The following PON3 variants were observed in gnomAD, a reference collection of about 807,000 sequenced individuals.
PON3 encodes the protein serum paraoxonase/lactonase 3.
A neutral mutation model predicts 36.3 loss-of-function variants in PON3; 37 were observed. That is an observed-to-expected ratio of 1.02 (90% CI 0.78 to 1.34). The LOEUF (loss-of-function observed/expected upper bound fraction) is 1.34. Ranked by LOEUF, PON3 falls within the 40% of genes most tolerant of loss-of-function variation. The pLI, the probability that PON3 is intolerant of heterozygous loss-of-function variation, is 0.00. For synonymous variants in PON3, 155 were observed against 154.8 expected (o/e 1.00, Z -0.01); for missense variants, 415 against 426.5 (o/e 0.97, Z 0.24).
At chr7:95,379,933 C>A (rs1174452864) in intron 3 of PON3, among the ~76,000 whole-genome samples, 1 of 152,186 alleles carries the variant, frequency 6.6e-6, no homozygotes, top group Non-Finnish European at 1.5e-5. Flanking sequence ...CCCTGAGTAG[C>A]CTAACTGGGA....
At position 95,360,144 on chromosome 7, in the gene PON3, G is replaced by A. The variant is rs370243888; in HGVS notation, c.907-13C>T. The stretch of plus-strand genomic sequence containing the variant: ...GGATGCGAAGTACCTGTCGAGAAAA[G>A]ATCGTTTATTAGTATATTATGTGAG... On this transcript the variant is annotated splice_polypyrimidine_tract_variant and intron_variant, in intron 8 of 8. Transcript: ENST00000265627. 4.3e-6 allele frequency: 7 copies of A among 1,609,728 alleles called. No individual in the cohort carries two copies. The African/African-American group carries it at 9.4e-5, about 22-fold the overall frequency.
chr7:95,391,559 G>A (rs1809319704), intron 2 of PON3, among the ~76,000 whole-genome samples: 1 of 152,060 alleles, frequency 6.6e-6, no homozygotes, highest in African/African-American at 2.4e-5. Context: ...AAAAATGCTG[G>A]AGAAGGAAAA....
At chr7:95,379,078 C>A (rs202157191) in intron 3 of PON3, among the ~76,000 whole-genome samples, 83 of 146,172 alleles carry the variant, frequency 5.7e-4, no homozygotes, top group South Asian at 1.1e-3. Context: ...AAATAAAAAG[C>A]AAAAAAAAAA....
rs1453628014 is a variant in PON3, at chr7:95,362,363, T to G, written c.905A>C (p.Glu302Ala). Residue 302 changes from glutamate to alanine, a missense_variant and splice_region_variant, in exon 8 of 9, where the codon GAA (glutamate) becomes GCA (alanine). Glu to Ala is a moderately radical substitution (Grantham distance 107, BLOSUM62 -1). Coordinates refer to ENST00000265627, the MANE Select transcript of PON3 (RefSeq NM_000940.3). ...NYNPEDPPGSEVLRIQNVLSE... is the reference protein window; with the variant it reads ...NYNPEDPPGSAVLRIQNVLSE... ...GCTCAGAGAGGTATAGGAACTTACT[T>G]CTGATCCTGGAGGGTCCTCAGGGTT... 1 of 1,613,686 alleles carries G rather than the reference T, an allele frequency of 6.2e-7. No homozygotes were observed. The highest frequency in any genetic ancestry group is 1.1e-5 in the South Asian group (1 of 91,074).
intron 3 of PON3, among the ~76,000 whole-genome samples, chr7:95,382,662 G>C (rs926944568): frequency 6.6e-6 from 1 of 152,116 alleles, no homozygotes; most frequent in Admixed American, 6.6e-5. Flanking sequence ...GGAAGAACTT[G>C]AATCTCTGAA....
intron 3 of PON3, 34 bp from the exon 4 acceptor site, chr7:95,372,372 T>A: frequency 6.3e-7 from 1 of 1,596,758 alleles, no homozygotes; most frequent in East Asian, 2.2e-5. Flanking sequence ...TGCACACATA[T>A]ACATATCAAA....
rs17880217 is a variant in PON3, at chr7:95,392,469, T to C, written c.145+2175A>G. Reference sequence around the variant, plus strand: ...TACCTCTTGATTATTTGCAGGCTTATATATTTTGACAGTTATTTGTATAGT... The same window carrying C: ...TACCTCTTGATTATTTGCAGGCTTACATATTTTGACAGTTATTTGTATAGT... On this transcript the variant is annotated intron_variant, in intron 2 of 8. Coordinates refer to ENST00000265627, the MANE Select transcript of PON3 (RefSeq NM_000940.3). Among the ~76,000 whole-genome samples, 270 of 152,338 alleles carry C rather than the reference T, an allele frequency of 1.8e-3. 2 individuals are homozygous for C. The highest frequency in any genetic ancestry group is 6.8e-3 in the Middle Eastern group (2 of 294).
At chr7:95,366,602 G>C (rs1471276282) in intron 5 of PON3, among the ~76,000 whole-genome samples, 4 of 152,108 alleles carry the variant, frequency 2.6e-5, no homozygotes, top group African/African-American at 9.7e-5. Flanking sequence ...ATTCTTTATT[G>C]TTTGCTACAG....
At chr7:95,371,019 G>A (rs1808797361) in intron 4 of PON3, among the ~76,000 whole-genome samples, 1 of 152,108 alleles carries the variant, frequency 6.6e-6, no homozygotes, top group South Asian at 2.1e-4. Context: ...ACCTATTCTG[G>A]ACACTTCATA....
At chr7:95,385,635 C>T (rs866305453) in intron 3 of PON3, among the ~76,000 whole-genome samples, 95 of 152,276 alleles carry the variant, frequency 6.2e-4, no homozygotes, top group Middle Eastern at 6.8e-3. Context: ...AGCACCACAT[C>T]GCACTTATTC....
chr7:95,362,114 TC>T (rs1419555594), intron 8 of PON3, among the ~76,000 whole-genome samples: 2 of 152,130 alleles, frequency 1.3e-5, no homozygotes, highest in African/African-American at 4.8e-5. Flanking sequence ...GCAATCTGGG[TC>T]AATATGAATA....
intron 3 of PON3, among the ~76,000 whole-genome samples, chr7:95,382,905 A>G (rs1171120472): frequency 6.6e-6 from 1 of 152,208 alleles, no homozygotes; most frequent in African/African-American, 2.4e-5. Flanking sequence ...ACAAAAAAAG[A>G]GAATTTTAGG....
At chr7:95,367,194 T>C (rs1357475515) in intron 5 of PON3, among the ~76,000 whole-genome samples, 168 bp downstream of exon 5, 1 of 152,206 alleles carries the variant, frequency 6.6e-6, no homozygotes, top group Non-Finnish European at 1.5e-5. Flanking sequence ...CATGGCAATT[T>C]CTAGTGAGGC....
At position 95,362,368 on chromosome 7, in the gene PON3, T is replaced by C; in HGVS notation, c.900A>G (p.Gly300=). The change falls in exon 8 of 9, where the codon GGA becomes GGG. Residue 300 remains glycine, a synonymous_variant. Transcript: ENST00000265627. ...LLNYNPEDPP[G]SEVLRIQNVL... ...GAGAGGTATAGGAACTTACTTCTGA[T>C]CCTGGAGGGTCCTCAGGGTTATAGT... 1 of 1,613,722 alleles carries C rather than the reference T, an allele frequency of 6.2e-7. No individual in the cohort carries two copies. The highest frequency in any genetic ancestry group is 8.5e-7 in the Non-Finnish European group (1 of 1,179,718).
intron 3 of PON3, among the ~76,000 whole-genome samples, chr7:95,373,104 A>C (rs1202705857): frequency 6.6e-6 from 1 of 152,184 alleles, no homozygotes; most frequent in Non-Finnish European, 1.5e-5. Context: ...ACCAGTTACA[A>C]AACAGTCCAC....
intron 3 of PON3, among the ~76,000 whole-genome samples, chr7:95,379,660 G>A (rs1288308784): frequency 1.3e-5 from 2 of 152,230 alleles, no homozygotes; most frequent in Non-Finnish European, 2.9e-5. Flanking sequence ...TGGGGGAGGG[G>A]CGCCCGCCAT....
intron 3 of PON3, among the ~76,000 whole-genome samples, chr7:95,387,126 T>A (rs1352908596): frequency 6.6e-6 from 1 of 152,172 alleles, no homozygotes; most frequent in Non-Finnish European, 1.5e-5. Context: ...GTATTGGAAA[T>A]TCTGGCCAGG....
chr7:95,368,737 C>T (rs892838641), intron 4 of PON3, among the ~76,000 whole-genome samples: 12 of 150,952 alleles, frequency 7.9e-5, no homozygotes, highest in South Asian at 4.2e-4. Context: ...TCATAATATA[C>T]TCAACTTATG....
intron 6 of PON3, chr7:95,363,357 A>G (rs969034144): frequency 1.6e-5 from 3 of 182,546 alleles, no homozygotes; most frequent in Non-Finnish European, 3.5e-5. Context: ...ACACTTTTTA[A>G]AAGTGTTTTC....
Sources: gnomAD v4.1 joint callset for allele counts (sites outside exome capture counted in the v4.1 genomes callset) on GRCh38, gnomAD v4.1.1 for gene constraint, MANE v1.5 for transcripts, NCBI Gene and HGNC (gene_info 2026-07-23, HGNC 2026-07-21) for gene names.